The following APOH variants were observed in gnomAD, a reference collection of about 807,000 sequenced individuals.
APOH encodes the protein apolipoprotein H, also known as beta-2-glycoprotein 1.
Under a neutral mutation model 39.8 loss-of-function variants are expected in APOH, and 48 were observed. The observed-to-expected ratio is 1.21, with a 90% CI of 0.96 to 1.54. The LOEUF (loss-of-function observed/expected upper bound fraction) is 1.54. Among genes scored for constraint, APOH ranks in the 40% most tolerant of loss-of-function variants. The pLI is 0.00. For missense variants in APOH, 415 were observed against 421.2 expected (o/e 0.99, Z 0.13); for synonymous variants, 153 against 151.1 (o/e 1.01, Z -0.09).
intron 4 of APOH, among the ~76,000 whole-genome samples, chr17:66,221,860 C>A (rs8178845): frequency 0.67 from 101,396 of 151,980 alleles, 35,418 homozygotes; most frequent in East Asian, 0.92. Context: ...TTTACCTTGA[C>A]TTCCCTAGAT....
chr17:66,229,090 T>C (rs2073457448), intron 1 of APOH, among the ~76,000 whole-genome samples: 1 of 151,934 alleles, frequency 6.6e-6, no homozygotes, highest in Non-Finnish European at 1.5e-5. Context: ...ACCTCGGCCA[T>C]GATGCCCAGC....
In APOH at chr17:66,216,787, C is replaced by G. The variant is rs111901122; in HGVS notation, c.784+1G>C. Reference sequence around the variant, plus strand: ...ACAGGACCTCGCCTATATTTCCATACCTTTACAACTTGGCATGGCAGACCA... The same window carrying G: ...ACAGGACCTCGCCTATATTTCCATAGCTTTACAACTTGGCATGGCAGACCA... On this transcript the variant is annotated splice_donor_variant, in intron 6 of 7. Transcript: ENST00000205948. LOFTEE classifies it high-confidence loss of function. 1.0e-5 allele frequency: 16 copies of G among 1,593,750 alleles called. No homozygotes were observed. The highest frequency in any genetic ancestry group is 2.3e-5 in the East Asian group (1 of 44,110).
chr17:66,227,926 C>G, intron 2 of APOH, 94 bp downstream of exon 2: 4 of 1,362,210 alleles, frequency 2.9e-6, no homozygotes, highest in Non-Finnish European at 4.1e-6. Context: ...ATCTACTGGC[C>G]CTCTGCACTC....
At chr17:66,225,976 A>T in intron 3 of APOH, 52 bp downstream of exon 3, 1 of 1,292,814 alleles carries the variant, frequency 7.7e-7, no homozygotes, top group Non-Finnish European at 1.1e-6. Context: ...TAGCTTAAGG[A>T]TACAAAAATG....
In APOH at chr17:66,220,675, T is replaced by C; in HGVS notation, c.483A>G (p.Gly161=). ...CTGTGTCCCGATAGAGGGAATTGTTTCCAGCTGATGGCTTATAAACACGAA... is the reference window on the plus strand; with the variant it reads ...CTGTGTCCCGATAGAGGGAATTGTTCCCAGCTGATGGCTTATAAACACGAA... ...ATLRVYKPSA[G]NNSLYRDTAV... The change falls in exon 5 of 8, where the codon GGA becomes GGG. Residue 161 remains glycine (G), a synonymous_variant. Coordinates refer to ENST00000205948, the MANE Select transcript of APOH (RefSeq NM_000042.3). 1 of 1,614,216 alleles carries C rather than the reference T, an allele frequency of 6.2e-7. No homozygotes were observed. The highest frequency in any genetic ancestry group is 8.5e-7 in the Non-Finnish European group (1 of 1,180,036).
intron 3 of APOH, among the ~76,000 whole-genome samples, chr17:66,225,609 C>G (rs1306929799): frequency 6.6e-6 from 1 of 152,218 alleles, no homozygotes; most frequent in Non-Finnish European, 1.5e-5. Context: ...AAATTAGATA[C>G]AGTGGTGACT....
chr17:66,224,488 A>AAG (rs2073422703), intron 3 of APOH, among the ~76,000 whole-genome samples: 1 of 88,168 alleles, frequency 1.1e-5, no homozygotes, highest in South Asian at 3.1e-4. Context: ...AAAAAAAAAA[A>AAG]AAAGAAAAGA....
chr17:66,212,715 T>C (rs1462834190), intron 7 of APOH, among the ~76,000 whole-genome samples: 1 of 152,204 alleles, frequency 6.6e-6, no homozygotes, highest in African/African-American at 2.4e-5. Context: ...TTAAAGGTTC[T>C]ATATACAGTG....
rs754342916 is a variant in APOH at position 66,223,673 on chromosome 17, C to T, written c.415+25G>A. ...ACCAGAAAGGTTCTGGGCAAACCAG[C>T]TGATCACCTTGCCCACAGACTTACG... is the stretch of plus-strand genomic sequence containing the variant. On this transcript the variant is annotated intron_variant, in intron 4 of 7. Transcript: ENST00000205948. 4 of 1,610,396 alleles carry T rather than the reference C, an allele frequency of 2.5e-6. No homozygotes were observed. In the South Asian group the frequency reaches 3.3e-5, roughly 13 times the overall value.
intron 2 of APOH, 52 bp from the exon 3 acceptor site, chr17:66,226,176 T>C (rs767388609): frequency 1.6e-6 from 2 of 1,249,772 alleles, no homozygotes; most frequent in African/African-American, 3.1e-5. Context: ...AAAAAAAACA[T>C]AAACAGGTAA....
Position 66,223,707 on chromosome 17 carries a change from C to A in APOH, c.406G>T (p.Val136Phe), listed in dbSNP as rs1318742692. ...TTGCCCACAGACTTACGAGCACAGA[C>A]AGGAAGCTCCGGGCTCCATTTTCCT... ...EEGKWSPELP[V>F]CAPIICPPPS... is the part of the protein sequence containing the mutation. Residue 136 changes from valine (V) to phenylalanine (F), a missense_variant, in exon 4 of 8, where the codon GTC becomes TTC. Physicochemically the swap from Val to Phe is conservative, Grantham distance 50. This residue lies in a region of APOH where 288 missense variants were observed against 284.9 expected (regional missense o/e 1.01). Transcript: ENST00000205948. The A allele has an allele frequency of 1.2e-6, 2 of 1,614,070 alleles. No homozygotes were observed. Among genetic ancestry groups the A allele is most frequent in the Admixed American group, 3.3e-5 (2 of 60,006 alleles).
At chr17:66,223,046 C>T (rs1242779341) in intron 4 of APOH, among the ~76,000 whole-genome samples, 1 of 152,180 alleles carries the variant, frequency 6.6e-6, no homozygotes, top group East Asian at 1.9e-4. Flanking sequence ...GCTGAGGATC[C>T]TCTGAAAAAA....
intron 1 of APOH, among the ~76,000 whole-genome samples, chr17:66,228,936 A>G (rs903426684): frequency 1.3e-5 from 2 of 151,726 alleles, no homozygotes; most frequent in African/African-American, 2.4e-5. Context: ...AGGTTCAAGC[A>G]ATTCTCCTGC....
intron 4 of APOH, 37 bp downstream of exon 4, chr17:66,223,661 T>G: frequency 6.2e-7 from 1 of 1,600,190 alleles, no homozygotes; most frequent in South Asian, 1.1e-5. Context: ...AGAAAGGTTC[T>G]GGGCAAACCA....
chr17:66,220,847 C>A, intron 4 of APOH, 105 bp from the exon 5 acceptor site: 1 of 1,150,810 alleles, frequency 8.7e-7, no homozygotes, highest in Non-Finnish European at 1.2e-6. Flanking sequence ...TGAGAAAATG[C>A]AAACTGATCA....
chr17:66,212,205 A>G lies in APOH; in HGVS notation c.983-17T>C, dbSNP rs2073340336. On this transcript the variant is annotated splice_polypyrimidine_tract_variant and intron_variant, in intron 7 of 7. Transcript: ENST00000205948. ...AACTGTGTTCTGTTGGGGGAGAAAA[A>G]GATAAACATTCTAAGAGAAACAATC... 1 of 1,607,834 alleles carries G rather than the reference A, an allele frequency of 6.2e-7. No homozygotes were observed. Among genetic ancestry groups the G allele is most frequent in the Non-Finnish European group, 8.5e-7 (1 of 1,174,874 alleles).
intron 1 of APOH, chr17:66,228,726 A>C (rs957363573): frequency 2.7e-5 from 4 of 150,820 alleles, no homozygotes; most frequent in African/African-American, 9.8e-5. Context: ...GAGTGAACCC[A>C]GGAGGCGGAG....
intron 2 of APOH, 134 bp downstream of exon 2, chr17:66,227,875 CCAAGACCTTCT>C (rs2073448933): frequency 1.3e-5 from 10 of 783,998 alleles, no homozygotes; most frequent in Non-Finnish European, 2.1e-5. Flanking sequence ...AGAGAACTCC[CCAAGACCTTCT>C]CATTTCTCTC....
chr17:66,218,627 C>T (rs1288799379), intron 5 of APOH, among the ~76,000 whole-genome samples: 2 of 152,046 alleles, frequency 1.3e-5, no homozygotes, highest in African/African-American at 4.8e-5. Flanking sequence ...GAGTAAATAA[C>T]CAATCAAGTT....
Sources: allele counts gnomAD v4.1 joint callset (sites outside exome capture counted in the v4.1 genomes callset), GRCh38; gene constraint gnomAD v4.1.1; regional missense constraint gnomAD v4.1.1; transcripts MANE v1.5; gene names NCBI Gene and HGNC (gene_info 2026-07-23, HGNC 2026-07-21).